Variants in SLCO3A1 observed in about 807,000 individuals in gnomAD.
SLCO3A1 encodes the protein solute carrier organic anion transporter family member 3A1.
A neutral mutation model predicts 63.1 loss-of-function variants in SLCO3A1; 27 were observed. The ratio of observed to expected loss-of-function variants is 0.43; its 90% confidence interval spans 0.32 to 0.59. The LOEUF (loss-of-function observed/expected upper bound fraction) is 0.59, where lower values mean the gene tolerates loss of function less well. Among genes scored for constraint, SLCO3A1 ranks in the 20% least tolerant of loss-of-function variants. The pLI is 0.09. For missense variants in SLCO3A1, 773 were observed against 945.8 expected (o/e 0.82, Z 2.40); for synonymous variants, 473 against 409.9 (o/e 1.15, Z -1.86).
chr15:91,896,199 GT>G (rs1897998767), intron 1 of SLCO3A1, among the ~76,000 whole-genome samples: 1 of 152,166 alleles, frequency 6.6e-6, no homozygotes, highest in African/African-American at 2.4e-5. Context: ...CTTTTCCTGT[GT>G]TGGAAGAAAT....
At chr15:92,110,034 T>C (rs892949452) in intron 4 of SLCO3A1, among the ~76,000 whole-genome samples, 2 of 152,190 alleles carry the variant, frequency 1.3e-5, no homozygotes, top group Admixed American at 1.3e-4. Flanking sequence ...GGAATCAGGC[T>C]GGGGCCCGTG....
At chr15:91,884,614 G>A (rs904498297) in intron 1 of SLCO3A1, among the ~76,000 whole-genome samples, 2 of 151,500 alleles carry the variant, frequency 1.3e-5, no homozygotes, top group African/African-American at 4.9e-5. Flanking sequence ...ATTCAGCACA[G>A]ATTATGTGAA....
chr15:92,071,499 A>G (rs2151515265), intron 2 of SLCO3A1, among the ~76,000 whole-genome samples: 2 of 152,312 alleles, frequency 1.3e-5, no homozygotes, highest in South Asian at 4.1e-4. Context: ...TCAGGGGAAA[A>G]AACACACGTC....
intron 2 of SLCO3A1, among the ~76,000 whole-genome samples, chr15:92,058,041 G>T (rs1302991410): frequency 2.0e-5 from 3 of 152,186 alleles, no homozygotes; most frequent in African/African-American, 7.2e-5. Context: ...GGTGTGACTT[G>T]CCCGTGGTCA....
In SLCO3A1 at chr15:91,968,386, G is replaced by A. The variant is rs1473903602; in HGVS notation, c.646+51928G>A. Among the ~76,000 whole-genome samples, 1 of 152,000 alleles carries A rather than the reference G, an allele frequency of 6.6e-6. No homozygotes were observed. The highest frequency in any genetic ancestry group is 1.5e-5 in the Non-Finnish European group (1 of 68,032). On this transcript the variant is annotated intron_variant, in intron 2 of 9. Transcript: ENST00000318445. The surrounding 1 kb of genome is among the most constrained non-coding windows in gnomAD (Gnocchi z 4.2). ...GATTCTGCTGAGTTCTGCTTGGACT[G>A]GTAAGCACAGAGAGTGAGTCATAGA...
At position 91,853,713 on chromosome 15, in the gene SLCO3A1, CGCGGCGGCG is replaced by C. The variant is rs58284139; in HGVS notation, c.-183_-175del. On this transcript the variant is annotated 5_prime_UTR_variant, in exon 1 of 10. Coordinates refer to ENST00000318445, the MANE Select transcript of SLCO3A1 (RefSeq NM_013272.4). ...GGGAGGAGGAGGAGGAAGGGGCGAT[CGCGGCGGCG>C]GCGGCGGCGGCGAGGAGCTGTGCCT... 2.2e-3 allele frequency: 754 copies of C among 341,930 alleles called. 3 individuals carry two copies. Among genetic ancestry groups the C allele is most frequent in the African/African-American group, 0.013 (594 of 44,270 alleles). The allele number at this position is 341,930 out of a possible 1,614,324, so 21.2% of individuals were successfully genotyped here.
intron 3 of SLCO3A1, among the ~76,000 whole-genome samples, chr15:92,101,716 A>T (rs959561561): frequency 1.3e-5 from 2 of 152,132 alleles, no homozygotes; most frequent in Non-Finnish European, 2.9e-5. Context: ...TGGAGAAAAA[A>T]ATCAATACTT....
At chr15:92,091,728 G>C (rs1174891954) in intron 2 of SLCO3A1, among the ~76,000 whole-genome samples, 4 of 152,234 alleles carry the variant, frequency 2.6e-5, no homozygotes, top group Non-Finnish European at 4.4e-5. Flanking sequence ...ACATAGAAAA[G>C]TGACCAGAGG....
chr15:92,136,770 A>G (rs573146518), intron 7 of SLCO3A1, among the ~76,000 whole-genome samples: 6 of 152,124 alleles, frequency 3.9e-5, no homozygotes, highest in Non-Finnish European at 8.8e-5. Flanking sequence ...CAAATAGATG[A>G]TTGCTGTCCT....
Position 91,941,413 on chromosome 15 carries a change from G to A in SLCO3A1, c.646+24955G>A. 2.5e-6 allele frequency: 1 copy of A among 405,004 alleles called. No individual in the cohort carries two copies. The highest frequency in any genetic ancestry group is 4.9e-6 in the Non-Finnish European group (1 of 204,372). The allele number at this position is 405,004 out of a possible 1,614,324, so 25.1% of individuals were successfully genotyped here. A position where few individuals can be genotyped will look rare whatever the true frequency, so the allele number is the denominator to read the frequency against. ...TGCCACCCAGCAGATCTGTGTCACG[G>A]GAGTGGCGCTGTCACTCGTTGAGGT... On this transcript the variant is annotated intron_variant, in intron 2 of 9. Transcript: ENST00000318445. This position sits in a 1 kb window ranked among gnomAD's most constrained non-coding sequence, Gnocchi z 4.4.
Position 92,089,712 on chromosome 15 carries a change from A to G in SLCO3A1, c.647-5169A>G, listed in dbSNP as rs532835343. 2.0e-5 allele frequency among the ~76,000 whole-genome samples: 3 copies of G among 152,230 alleles called. No homozygotes were observed. The South Asian group carries it at 6.2e-4, about 32-fold the overall frequency. On this transcript the variant is annotated intron_variant, in intron 2 of 9. Coordinates refer to ENST00000318445, the MANE Select transcript of SLCO3A1 (RefSeq NM_013272.4). ...GAGGTGGCTGGTGCTGAATTTAAAG[A>G]TTATATAGTGCGGGAAAAGGCAGAC...
Position 91,971,654 on chromosome 15 carries a change from T to A in SLCO3A1, c.646+55196T>A, listed in dbSNP as rs563314100. On this transcript the variant is annotated intron_variant, in intron 2 of 9. Transcript: ENST00000318445. ...TGCAGGCATGAGTTACAGCATTGTT[T>A]GCCATGAGCTCCATGTTAATGAATC... Among the ~76,000 whole-genome samples, 19 of 152,238 alleles carry A rather than the reference T, an allele frequency of 1.2e-4. No homozygotes were observed. In the East Asian group the frequency reaches 3.7e-3, roughly 29 times the overall value.
chr15:91,907,380 A>G (rs1190985460), intron 1 of SLCO3A1, among the ~76,000 whole-genome samples: 1 of 149,584 alleles, frequency 6.7e-6, no homozygotes, highest in African/African-American at 2.5e-5. Flanking sequence ...TAATTTTTGT[A>G]TTTTTAGTAG....
intron 3 of SLCO3A1, 90 bp from the exon 4 acceptor site, chr15:92,104,189 C>T: frequency 1.4e-6 from 2 of 1,447,468 alleles, no homozygotes. Context: ...GAGCCCTTGC[C>T]CTCTCTGTTC....
At chr15:92,090,780 A>G (rs1204126854) in intron 2 of SLCO3A1, among the ~76,000 whole-genome samples, 2 of 152,262 alleles carry the variant, frequency 1.3e-5, no homozygotes, top group East Asian at 3.9e-4. Context: ...GTTGTAGGAG[A>G]GTCACAGGTG....
chr15:92,081,468 C>G (rs779172168), intron 2 of SLCO3A1, among the ~76,000 whole-genome samples: 1 of 152,060 alleles, frequency 6.6e-6, no homozygotes, highest in Non-Finnish European at 1.5e-5. Context: ...CTCACAGATT[C>G]AGGCAATTCT....
intron 2 of SLCO3A1, among the ~76,000 whole-genome samples, chr15:91,978,105 T>A (rs944326144): frequency 6.6e-6 from 1 of 152,190 alleles, no homozygotes; most frequent in Non-Finnish European, 1.5e-5. Context: ...CCATCACCCA[T>A]TTCTGGGGAG....
downstream of SLCO3A1, among the ~76,000 whole-genome samples, chr15:92,169,949 G>A (rs548781712): frequency 6.6e-6 from 1 of 152,160 alleles, no homozygotes; most frequent in African/African-American, 2.4e-5. Context: ...AGTGACTCAG[G>A]TCAACAATCA....
intron 2 of SLCO3A1, among the ~76,000 whole-genome samples, chr15:92,081,419 C>T (rs1030549135): frequency 6.6e-6 from 1 of 151,784 alleles, no homozygotes; most frequent in Non-Finnish European, 1.5e-5. Flanking sequence ...GTTGTGATCT[C>T]GGCTCACTGG....
Sources: gnomAD v4.1 joint callset for allele counts (sites outside exome capture counted in the v4.1 genomes callset) on GRCh38, gnomAD v4.1.1 for gene constraint, Gnocchi (gnomAD v3.1) non-coding constraint, MANE v1.5 for transcripts, NCBI Gene and HGNC (gene_info 2026-07-23, HGNC 2026-07-21) for gene names.